Variants in LRSAM1 observed in about 807,000 individuals in gnomAD.
LRSAM1 encodes the protein leucine rich repeat and sterile alpha motif containing 1.
LRSAM1 carries 96 observed loss-of-function variants against 118.1 expected under a neutral mutation model. The observed-to-expected ratio is 0.81, with a 90% CI of 0.69 to 0.96. The LOEUF (loss-of-function observed/expected upper bound fraction) is 0.96. Among genes scored for constraint, LRSAM1 ranks in the 40% least tolerant of loss-of-function variants. LRSAM1 has a pLI of 0.00. For missense variants in LRSAM1, 804 were observed against 915.5 expected (o/e 0.88, Z 1.57); for synonymous variants, 322 against 364.2 (o/e 0.88, Z 1.32).
chr9:127,473,570 G>A (rs1835249183), intron 10 of LRSAM1, among the ~76,000 whole-genome samples: 1 of 152,202 alleles, frequency 6.6e-6, no homozygotes, highest in South Asian at 2.1e-4. Context: ...GTAAAGAGGT[G>A]TAAGGGGTAG....
Position 127,497,236 on chromosome 9 carries a change from TC to T in LRSAM1, c.1831-15del. 6.2e-7 allele frequency: 1 copy of T among 1,612,704 alleles called. No homozygotes were observed. The highest frequency in any genetic ancestry group is 8.5e-7 in the Non-Finnish European group (1 of 1,179,734). The stretch of plus-strand genomic sequence containing the variant: ...TCCCGCCCAGGCCACAGTCTGCACT[TC>T]CTTGAACTGTCACAGGTGGGCGTCT... On this transcript the variant is annotated splice_polypyrimidine_tract_variant and intron_variant, in intron 23 of 25. Transcript: ENST00000300417.
chr9:127,467,785 G>T lies in LRSAM1; in HGVS notation c.574G>T (p.Val192Leu). 1 of 1,610,456 alleles carries T rather than the reference G, an allele frequency of 6.2e-7. No homozygotes were observed. Residue 192 changes from valine (V) to leucine (L), a missense_variant, in exon 10 of 26, where the codon GTG (valine) becomes TTG (leucine). Val to Leu is a conservative substitution (Grantham distance 32, BLOSUM62 1). Transcript: ENST00000300417. ...GGCCATGGTCTACCCGCCGCGGGAGGTGTGTGGTGCCGGCACTGCGGCCAT... is the reference window on the plus strand; with the variant it reads ...GGCCATGGTCTACCCGCCGCGGGAGTTGTGTGGTGCCGGCACTGCGGCCAT... ...ASAMVYPPRE[V>L]CGAGTAAILQ...
intron 18 of LRSAM1, 36 bp downstream of exon 18, chr9:127,487,799 A>C: frequency 2.5e-6 from 4 of 1,587,512 alleles, no homozygotes; most frequent in Non-Finnish European, 3.4e-6. Flanking sequence ...GTGGGAGCTC[A>C]GGAGGGAGGT....
rs757438041 is a variant in LRSAM1 at position 127,456,234 on chromosome 9, G to GT, written c.174+629dup. On this transcript the variant is annotated intron_variant, in intron 5 of 25. Transcript: ENST00000300417. ...CTCCTTGGCGCTGGAAGTTTTGTTT[G>GT]TTTTTTTTTTTTTTTGAAGACGGAC... Among the ~76,000 whole-genome samples, 501 of 132,178 alleles carry GT rather than the reference G, an allele frequency of 3.8e-3. 5 individuals carry two copies. The highest frequency in any genetic ancestry group is 0.033 in the East Asian group (148 of 4,496). 86.7% of individuals were successfully genotyped at this position (132,178 alleles called of 152,430 possible).
intron 25 of LRSAM1, among the ~76,000 whole-genome samples, chr9:127,501,381 A>G (rs539551838): frequency 4.8e-4 from 73 of 152,260 alleles, no homozygotes; most frequent in Middle Eastern, 3.4e-3. Flanking sequence ...ACATTAGGAA[A>G]AAATTTCCCA....
intron 9 of LRSAM1, among the ~76,000 whole-genome samples, chr9:127,464,284 C>G (rs1397622492): frequency 6.6e-6 from 1 of 152,226 alleles, no homozygotes. Flanking sequence ...CTGGAACTTT[C>G]TGCAATGATG....
rs375938990 is a variant in LRSAM1 at position 127,497,292 on chromosome 9, C to T, written c.1870C>T (p.Arg624Trp). The change falls in exon 24 of 26, where the codon CGG (arginine) becomes TGG (tryptophan). Residue 624 changes from arginine (R) to tryptophan (W), a missense_variant. Arg to Trp is a moderately radical substitution (Grantham distance 101). Transcript: ENST00000300417. ...AGCTGGCCTGCAGCACGAGATCCTC[C>T]GGAGAGTCCAGGAACTGCTGGATGC... ...SEAGLQHEILRRVQELLDAAR... is the reference protein window; with the variant it reads ...SEAGLQHEILWRVQELLDAAR... 2.0e-5 allele frequency: 33 copies of T among 1,612,980 alleles called. No individual in the cohort carries two copies. Among genetic ancestry groups the T allele is most frequent in the African/African-American group, 6.7e-5 (5 of 74,950 alleles).
intron 11 of LRSAM1, among the ~76,000 whole-genome samples, chr9:127,477,813 C>T (rs1292599115): frequency 3.9e-5 from 6 of 151,964 alleles, no homozygotes; most frequent in Admixed American, 1.3e-4. Context: ...TTTGGGAGGC[C>T]GAGGCAAATG....
chr9:127,491,341 C>A (rs1271004477), intron 20 of LRSAM1, 46 bp downstream of exon 20: 1 of 1,493,082 alleles, frequency 6.7e-7, no homozygotes, highest in Non-Finnish European at 9.3e-7. Flanking sequence ...TGGTGAGACC[C>A]CCACCTGGTG....
At chr9:127,464,014 C>G (rs1834843436) in intron 9 of LRSAM1, among the ~76,000 whole-genome samples, 1 of 152,252 alleles carries the variant, frequency 6.6e-6, no homozygotes, top group South Asian at 2.1e-4. Flanking sequence ...CTGTGCTCCC[C>G]ACCTCTGTAT....
intron 20 of LRSAM1, 57 bp downstream of exon 20, chr9:127,491,352 C>T: frequency 7.1e-7 from 1 of 1,399,120 alleles, no homozygotes; most frequent in Non-Finnish European, 1.0e-6. Flanking sequence ...CCACCTGGTG[C>T]TCCCTCCCAG....
At chr9:127,467,448 G>A (rs1024801669) in intron 9 of LRSAM1, among the ~76,000 whole-genome samples, 3 of 152,272 alleles carry the variant, frequency 2.0e-5, no homozygotes, top group Admixed American at 2.0e-4. Flanking sequence ...CCTTAAGGGA[G>A]GGAGGGAAGG....
At chr9:127,459,121 G>T (rs1180004073) in intron 7 of LRSAM1, 50 bp downstream of exon 7, 4 of 1,561,642 alleles carry the variant, frequency 2.6e-6, no homozygotes, top group Non-Finnish European at 3.5e-6. Flanking sequence ...AGTGAGACCA[G>T]GCAGTCACTC....
At chr9:127,458,570 A>C (rs1834615121) in intron 6 of LRSAM1, among the ~76,000 whole-genome samples, 1 of 152,140 alleles carries the variant, frequency 6.6e-6, no homozygotes, top group South Asian at 2.1e-4. Flanking sequence ...ACAGAGTGAG[A>C]CTCTGTCTCA....
Position 127,477,970 on chromosome 9 carries a change from A to G in LRSAM1, c.751-964A>G, listed in dbSNP as rs1564268147. On this transcript the variant is annotated intron_variant, in intron 11 of 25. Coordinates refer to ENST00000300417, the MANE Select transcript of LRSAM1 (RefSeq NM_001005373.4). ...AGGCTGAGGCAGGAGAATTGCTTGA[A>G]CCCAGGAGGTGGAGGTTGCAGTGAG... Among the ~76,000 whole-genome samples the G allele has an allele frequency of 2.7e-5, 4 of 148,640 alleles. No individual in the cohort carries two copies. The Admixed American group carries it at 2.7e-4, about 10-fold the overall frequency.
Position 127,479,853 on chromosome 9 carries a change from G to A in LRSAM1, c.918G>A (p.Leu306=). 6.2e-7 allele frequency: 1 copy of A among 1,611,980 alleles called. No homozygotes were observed. The highest frequency in any genetic ancestry group is 8.5e-7 in the Non-Finnish European group (1 of 1,178,566). ...TCCGGCTGCAGGAGCAGTCCCGGCT[G>A]GAGCAGGGCCTGAGTGAGCACCAGC... The part of the protein sequence containing the change: ...LQTVKEEQSR[L]EQGLSEHQRH... Residue 306 remains leucine (L), a synonymous_variant, in exon 14 of 26, where the codon CTG becomes CTA. Coordinates refer to ENST00000300417, the MANE Select transcript of LRSAM1 (RefSeq NM_001005373.4).
At chr9:127,476,818 G>A (rs1835364250) in intron 11 of LRSAM1, among the ~76,000 whole-genome samples, 2 of 152,028 alleles carry the variant, frequency 1.3e-5, no homozygotes, top group African/African-American at 4.8e-5. Context: ...GGGATTACAG[G>A]CACCTGCCAC....
chr9:127,501,167 C>T (rs752814857), intron 25 of LRSAM1, 24 bp downstream of exon 25: 11 of 1,609,086 alleles, frequency 6.8e-6, no homozygotes, highest in African/African-American at 5.3e-5. Flanking sequence ...CCTCCCCACC[C>T]GCCTGCCCTG....
chr9:127,480,341 TGTTCACCTGTA>T, intron 14 of LRSAM1, among the ~76,000 whole-genome samples: 1 of 152,322 alleles, frequency 6.6e-6, no homozygotes, highest in East Asian at 1.9e-4. Context: ...TGAGGTCAGC[TGTTCACCTGTA>T]GTGAGATTTG....
Sources: gnomAD v4.1 joint callset for allele counts (sites outside exome capture counted in the v4.1 genomes callset) on GRCh38, gnomAD v4.1.1 for gene constraint, MANE v1.5 for transcripts, NCBI Gene and HGNC (gene_info 2026-07-23, HGNC 2026-07-21) for gene names.